Variants in KIF4A observed in about 807,000 individuals in gnomAD.
KIF4A encodes kinesin family member 4A.
A neutral mutation model predicts 105.9 loss-of-function variants in KIF4A; 7 were observed. That is an observed-to-expected ratio of 0.07 (90% CI 0.04 to 0.12). The LOEUF (loss-of-function observed/expected upper bound fraction) is 0.12. KIF4A is among the 10% of genes least tolerant of loss of function. The probability of loss-of-function intolerance (pLI) is 1.00; values close to 1 mark genes in which losing one functional copy is unlikely to be tolerated. For synonymous variants in KIF4A, 281 were observed against 331.3 expected (o/e 0.85, Z 1.65); for missense variants, 558 against 929.2 (o/e 0.60, Z 5.19).
At chrX:70,375,404 T>G in intron 17 of KIF4A, 56 bp downstream of exon 17, 1 of 1,127,117 alleles carries the variant, frequency 8.9e-7, no homozygotes, top group Non-Finnish European at 1.2e-6. Flanking sequence ...ACATAGGTAT[T>G]CCATTTAGAA....
At chrX:70,378,357 C>G (rs1213735950) in intron 18 of KIF4A, among the ~76,000 whole-genome samples, 2 of 110,519 alleles carry the variant, frequency 1.8e-5, no homozygotes, top group African/African-American at 6.6e-5. Flanking sequence ...AATAACCTAG[C>G]CTTCTACTTT....
chrX:70,403,345 T>G (rs2086289023), intron 23 of KIF4A, among the ~76,000 whole-genome samples: 1 of 112,474 alleles, frequency 8.9e-6, no homozygotes, highest in Admixed American at 9.4e-5. Context: ...GTACTTATGA[T>G]GTTCACCATC....
chrX:70,369,453 A>G (rs2086120978), intron 15 of KIF4A, among the ~76,000 whole-genome samples: 1 of 112,241 alleles, frequency 8.9e-6, no homozygotes, highest in Non-Finnish European at 1.9e-5. Context: ...TAGCAATATC[A>G]AATGTTGACA....
chrX:70,320,482 C>G (rs1227759350), intron 7 of KIF4A, among the ~76,000 whole-genome samples: 1 of 112,014 alleles, frequency 8.9e-6, no homozygotes, highest in Non-Finnish European at 1.9e-5. Context: ...CAGTGGAATA[C>G]TATTGGGCCA....
intron 22 of KIF4A, 44 bp downstream of exon 22, chrX:70,396,093 G>T (rs763036785): frequency 7.3e-6 from 7 of 960,136 alleles, no homozygotes; most frequent in Non-Finnish European, 7.3e-6. Flanking sequence ...TTTATGCCTG[G>T]AATCAAAAAT....
intron 18 of KIF4A, among the ~76,000 whole-genome samples, chrX:70,381,462 G>A (rs939636125): frequency 2.1e-4 from 23 of 111,611 alleles, no homozygotes; most frequent in East Asian, 1.1e-3. Flanking sequence ...ACTTGAACCC[G>A]GGAGGTGGAG....
At chrX:70,331,616 G>A (rs183029236) in intron 9 of KIF4A, among the ~76,000 whole-genome samples, 2 of 89,072 alleles carry the variant, frequency 2.2e-5, no homozygotes, top group East Asian at 3.8e-4. Flanking sequence ...CTTAATGCAG[G>A]GTTGCCACAG....
chrX:70,362,885 CT>C (rs1180052440), intron 15 of KIF4A, among the ~76,000 whole-genome samples: 4 of 110,357 alleles, frequency 3.6e-5, no homozygotes, highest in African/African-American at 6.6e-5. Flanking sequence ...GAATCACCAT[CT>C]TTTTTTTTCT....
chrX:70,344,181 T>C (rs1266720943), intron 13 of KIF4A, among the ~76,000 whole-genome samples, 199 bp downstream of exon 13: 4 of 112,255 alleles, frequency 3.6e-5, no homozygotes, highest in African/African-American at 1.3e-4. Flanking sequence ...ACAATGCACA[T>C]TAGTATTTCA....
At chrX:70,300,998 A>G (rs1949071048) in intron 5 of KIF4A, among the ~76,000 whole-genome samples, 2 of 111,968 alleles carry the variant, frequency 1.8e-5, no homozygotes, top group Non-Finnish European at 3.8e-5. Context: ...GGCCTGAACT[A>G]GGCAAGTAGA....
At position 70,348,659 on chromosome X, in the gene KIF4A, C is replaced by T. The variant is rs766707447; in HGVS notation, c.1432-3941C>T. Reference sequence around the variant, plus strand: ...GACACAGCACATGTTTCAGAGAGCACGGGGTTGGGGGTAAGGTTATAGATT... The same window carrying T: ...GACACAGCACATGTTTCAGAGAGCATGGGGTTGGGGGTAAGGTTATAGATT... On this transcript the variant is annotated intron_variant, in intron 13 of 30. Coordinates refer to ENST00000374403, the MANE Select transcript of KIF4A (RefSeq NM_012310.5). Among the ~76,000 whole-genome samples the T allele has an allele frequency of 9.7e-3, 1,071 of 110,982 alleles. 12 individuals carry two copies. Among genetic ancestry groups the T allele is most frequent in the African/African-American group, 0.033 (1,019 of 30,491 alleles).
At chrX:70,386,063 C>T (rs2086216504) in intron 18 of KIF4A, among the ~76,000 whole-genome samples, 2 of 110,297 alleles carry the variant, frequency 1.8e-5, no homozygotes, top group South Asian at 8.0e-4. Context: ...TTGTTTCCAT[C>T]TTTATGTCCG....
At chrX:70,357,496 C>T in intron 15 of KIF4A, among the ~76,000 whole-genome samples, 1 of 112,168 alleles carries the variant, frequency 8.9e-6, no homozygotes, top group Non-Finnish European at 1.9e-5. Context: ...ATTTGCTTCA[C>T]TTCTTTCTCA....
intron 22 of KIF4A, among the ~76,000 whole-genome samples, chrX:70,398,651 A>T (rs2086269347): frequency 9.0e-6 from 1 of 111,564 alleles, no homozygotes; most frequent in Non-Finnish European, 1.9e-5. Flanking sequence ...CTCTTTCAGA[A>T]CTTATGATAC....
At chrX:70,385,439 A>G (rs1223358732) in intron 18 of KIF4A, among the ~76,000 whole-genome samples, 1 of 112,048 alleles carries the variant, frequency 8.9e-6, no homozygotes, top group East Asian at 2.8e-4. Context: ...TGTTTCTTTA[A>G]TTATCTTGAC....
rs1305366995 is a variant in KIF4A, at chrX:70,416,029, G to A, written c.3256-1859G>A. Among the ~76,000 whole-genome samples, 8 of 108,852 alleles carry A rather than the reference G, an allele frequency of 7.3e-5. No individual in the cohort carries two copies. The Admixed American group carries it at 7.9e-4, about 11-fold the overall frequency. The allele number at this position is 108,852 out of a possible 115,157, so 94.5% of individuals were successfully genotyped here. On this transcript the variant is annotated intron_variant, in intron 28 of 30. Coordinates refer to ENST00000374403, the MANE Select transcript of KIF4A (RefSeq NM_012310.5). ...ATTACAGGCATGCGCTATGATGCCT[G>A]GCTAATTTTGTATTTTTAGTGGAGA...
chrX:70,382,506 A>G (rs1378734745), intron 18 of KIF4A, among the ~76,000 whole-genome samples: 1 of 112,372 alleles, frequency 8.9e-6, no homozygotes, highest in Non-Finnish European at 1.9e-5. Flanking sequence ...CTAAAACTAT[A>G]AATCTCTTAG....
rs141295218 is a variant in KIF4A, at chrX:70,415,277, G to C, written c.3256-2611G>C. The C allele has an allele frequency of 5.7e-5, 14 of 243,820 alleles. No homozygotes were observed. The East Asian group carries it at 1.8e-3, about 31-fold the overall frequency. The allele number at this position is 243,820 out of a possible 1,213,427, so 20.1% of individuals were successfully genotyped here. The stretch of plus-strand genomic sequence containing the variant: ...TCATTTATACAAAGTTTAGAAACGT[G>C]TAAGACAATTTCTTGTTTGTTTTTG... On this transcript the variant is annotated intron_variant, in intron 28 of 30. Transcript: ENST00000374403.
At position 70,378,586 on chromosome X, in the gene KIF4A, G is replaced by A. The variant is rs778912315; in HGVS notation, c.2034+2376G>A. Among the ~76,000 whole-genome samples the A allele has an allele frequency of 4.6e-3, 503 of 108,741 alleles. 2 individuals are homozygous for A. The highest frequency in any genetic ancestry group is 8.2e-3 in the Non-Finnish European group (432 of 52,388). The allele number at this position is 108,741 out of a possible 115,157, so 94.4% of individuals were successfully genotyped here. On this transcript the variant is annotated intron_variant, in intron 18 of 30. Transcript: ENST00000374403. ...TCTACCAAAAATACAAAATTAGCTG[G>A]GCATGGTGGTGCATGCCTGTAGTCC...
Sources: gnomAD v4.1 joint callset for allele counts (sites outside exome capture counted in the v4.1 genomes callset) on GRCh38, gnomAD v4.1.1 for gene constraint, MANE v1.5 for transcripts, NCBI Gene and HGNC (gene_info 2026-07-23, HGNC 2026-07-21) for gene names.